The following PSD3 variants were observed in gnomAD, a reference collection of about 807,000 sequenced individuals.
PSD3 encodes PH and SEC7 domain-containing protein 3.
A neutral mutation model predicts 105.5 loss-of-function variants in PSD3; 49 were observed. That is an observed-to-expected ratio of 0.46 (90% CI 0.37 to 0.59). The LOEUF is 0.59. Ranked by LOEUF, PSD3 falls within the 20% of genes least tolerant of loss-of-function variation. PSD3 has a pLI of 0.00. For missense variants in PSD3, 1,561 were observed against 1,263.8 expected, an observed-to-expected ratio of 1.24 and a Z score of -3.57; for synonymous variants, 557 against 457.8, an observed-to-expected ratio of 1.22 and a Z score of -2.77.
chr8:19,083,139 A>G (rs546531678), intron 1 of PSD3, among the ~76,000 whole-genome samples: 1 of 152,118 alleles, frequency 6.6e-6, no homozygotes, highest in East Asian at 1.9e-4. Context: ...CAACACTCCA[A>G]TGACTCCCTC....
In PSD3 at chr8:19,074,592, C is replaced by CATATATATATATAT. The variant is rs1240382273; in HGVS notation, c.324+9600_324+9613dup. Among the ~76,000 whole-genome samples the CATATATATATATAT allele has an allele frequency of 4.3e-3, 280 of 65,854 alleles. 3 individuals are homozygous for CATATATATATATAT. Among genetic ancestry groups the CATATATATATATAT allele is most frequent in the African/African-American group, 9.2e-3 (154 of 16,766 alleles). The allele number at this position is 65,854 out of a possible 152,430, so 43.2% of individuals were successfully genotyped here. A position where few individuals can be genotyped will look rare whatever the true frequency, so the allele number is the denominator to read the frequency against. On this transcript the variant is annotated intron_variant, in intron 1 of 1. Coordinates refer to the PSD3 transcript ENST00000521475. ...TATAATTTTACAACTCAGATATATA[C>CATATATATATATAT]ATATATATATATATATATATTTTTT...
intron 2 of PSD3, among the ~76,000 whole-genome samples, chr8:18,926,719 G>A (rs1563428563): frequency 6.6e-6 from 1 of 152,112 alleles, no homozygotes; most frequent in Non-Finnish European, 1.5e-5. Context: ...CACACCACAA[G>A]GTGTGGAGAT....
intron 10 of PSD3, among the ~76,000 whole-genome samples, chr8:18,645,615 G>A (rs1458696256): frequency 6.6e-6 from 1 of 152,150 alleles, no homozygotes; most frequent in Non-Finnish European, 1.5e-5. Context: ...ACTAACATTA[G>A]CATTATTATT....
chr8:18,749,262 T>A, intron 9 of PSD3, among the ~76,000 whole-genome samples: 1 of 152,144 alleles, frequency 6.6e-6, no homozygotes, highest in East Asian at 1.9e-4. Context: ...CACACTGGCA[T>A]CTAAGCTGTT....
At chr8:18,746,324 C>T (rs1381796190) in intron 9 of PSD3, among the ~76,000 whole-genome samples, 1 of 152,188 alleles carries the variant, frequency 6.6e-6, no homozygotes, top group African/African-American at 2.4e-5. Flanking sequence ...CCCCTCCCTC[C>T]CCTGCTGACC....
At chr8:18,710,647 A>G (rs1169732938) in intron 9 of PSD3, among the ~76,000 whole-genome samples, 3 of 152,172 alleles carry the variant, frequency 2.0e-5, no homozygotes, top group Non-Finnish European at 4.4e-5. Context: ...ACCTCTCAGC[A>G]GAAACCTTAC....
At chr8:18,767,015 A>G (rs1048575542) in intron 8 of PSD3, among the ~76,000 whole-genome samples, 2 of 152,168 alleles carry the variant, frequency 1.3e-5, no homozygotes, top group African/African-American at 2.4e-5. Flanking sequence ...TTCCAAAGCT[A>G]CTCACTGTAT....
chr8:18,872,759 T>C (rs1463311708), intron 2 of PSD3, 26 bp from the exon 3 acceptor site: 31 of 1,516,710 alleles, frequency 2.0e-5, no homozygotes, highest in Non-Finnish European at 2.7e-5. Context: ...AATGGACATA[T>C]GACTTGTTGT....
At chr8:18,969,425 T>C (rs926951788) in intron 1 of PSD3, among the ~76,000 whole-genome samples, 7 of 152,188 alleles carry the variant, frequency 4.6e-5, no homozygotes, top group African/African-American at 1.7e-4. Context: ...ACCATAAATT[T>C]GTGTTAATAA....
chr8:18,833,821 T>A (rs941526893), intron 4 of PSD3, among the ~76,000 whole-genome samples: 3 of 152,110 alleles, frequency 2.0e-5, no homozygotes, highest in African/African-American at 7.2e-5. Context: ...AATAAAATAA[T>A]TACTTGCATA....
chr8:19,072,276 G>A (rs183020445), intron 1 of PSD3, among the ~76,000 whole-genome samples: 1 of 151,386 alleles, frequency 6.6e-6, no homozygotes, highest in East Asian at 2.0e-4. Context: ...TAACTTTCTA[G>A]TGATTTCACC....
intron 9 of PSD3, among the ~76,000 whole-genome samples, chr8:18,679,970 T>C (rs935805156): frequency 6.6e-6 from 1 of 152,206 alleles, no homozygotes; most frequent in Non-Finnish European, 1.5e-5. Context: ...GCATGTTATA[T>C]TAATCCACTC....
intron 2 of PSD3, among the ~76,000 whole-genome samples, chr8:18,926,813 C>A (rs1821394735): frequency 6.6e-6 from 1 of 152,134 alleles, no homozygotes; most frequent in African/African-American, 2.4e-5. Flanking sequence ...CCAACACTAT[C>A]TACCCGGATA....
chr8:18,655,551 A>T, intron 10 of PSD3, 91 bp downstream of exon 10: 2 of 1,237,944 alleles, frequency 1.6e-6, no homozygotes, highest in Non-Finnish European at 2.4e-6. Context: ...ATGCATATTT[A>T]ATCCTTCTCT....
intron 1 of PSD3, among the ~76,000 whole-genome samples, chr8:19,075,065 C>T (rs371871205): frequency 6.6e-5 from 10 of 152,000 alleles, no homozygotes; most frequent in African/African-American, 2.4e-4. Context: ...CCTGCCTCGG[C>T]CTCCCAAGTA....
In PSD3 at chr8:18,872,003, G is replaced by C. The variant is rs766284595; in HGVS notation, c.861C>G (p.Ser287Arg). ...GREHPGGCDR[S>R]SSMGRPGRVK... ...CCCGGCCTGGGCGTCCCATGGAGCT[G>C]CTTCGATCACATCCCCCTGGGTGCT... The change falls in exon 3 of 16, where the codon AGC becomes AGG. Residue 287 changes from serine to arginine, a missense_variant. Coordinates refer to ENST00000327040, the MANE Select transcript of PSD3 (RefSeq NM_015310.4). 3 of 1,614,016 alleles carry C rather than the reference G, an allele frequency of 1.9e-6. No homozygotes were observed. Among genetic ancestry groups the C allele is most frequent in the Non-Finnish European group, 1.7e-6 (2 of 1,180,028 alleles).
chr8:18,684,372 AC>A lies in PSD3; in HGVS notation c.2173-28688del, dbSNP rs1469996657. Among the ~76,000 whole-genome samples the A allele has an allele frequency of 2.6e-5, 4 of 152,254 alleles. No homozygotes were observed. In the East Asian group the frequency reaches 5.8e-4, roughly 22 times the overall value. ...TGAAGTAAGCTCATTAATGTCAACA[AC>A]CAAATAGAGATACCACAAATAAAAG... On this transcript the variant is annotated intron_variant, in intron 9 of 15. Coordinates refer to ENST00000327040, the MANE Select transcript of PSD3 (RefSeq NM_015310.4).
upstream of PSD3, among the ~76,000 whole-genome samples, chr8:19,017,623 G>A (rs114242320): frequency 7.9e-5 from 12 of 152,088 alleles, no homozygotes; most frequent in East Asian, 2.3e-3. Flanking sequence ...CTACAGATTT[G>A]CCTATTCTGG....
chr8:19,004,529 C>T (rs1226740806), intron 1 of PSD3, among the ~76,000 whole-genome samples: 1 of 151,942 alleles, frequency 6.6e-6, no homozygotes, highest in Non-Finnish European at 1.5e-5. Flanking sequence ...ATTTGCAAAG[C>T]ATATATCTGA....
Sources: allele counts gnomAD v4.1 joint callset (sites outside exome capture counted in the v4.1 genomes callset), GRCh38; gene constraint gnomAD v4.1.1; transcripts MANE v1.5; gene names NCBI Gene and HGNC (gene_info 2026-07-23, HGNC 2026-07-21).